ANGPT4: variants seen among roughly 807,000 people sequenced by gnomAD.
ANGPT4 encodes the protein angiopoietin 4.
A neutral mutation model predicts 53.0 loss-of-function variants in ANGPT4; 50 were observed. That is an observed-to-expected ratio of 0.94 (90% confidence interval 0.75 to 1.20). The LOEUF is 1.20. ANGPT4 is among the 50% of genes most tolerant of loss of function. The pLI is 0.00. For missense variants in ANGPT4, 648 were observed against 637.1 expected (o/e 1.02, Z -0.18); for synonymous variants, 251 against 259.7 (o/e 0.97, Z 0.32).
chr20:914,712 T>G lies in ANGPT4; in HGVS notation c.309+1194A>C, dbSNP rs1281584439. On this transcript the variant is annotated intron_variant, in intron 1 of 8. Coordinates refer to ENST00000381922, the MANE Select transcript of ANGPT4 (RefSeq NM_015985.4). The surrounding 1 kb of genome is among the most constrained non-coding windows in gnomAD (Gnocchi z 5.0). ...GTCTCCTGGGTCCCTCTCCCTTTCC[T>G]TGGTAGCTCTCACTTAGGGACTCTG... Among the ~76,000 whole-genome samples, 13 of 152,116 alleles carry G rather than the reference T, an allele frequency of 8.5e-5. 1 individual carries two copies. The highest frequency in any genetic ancestry group is 1.5e-5 in the Non-Finnish European group (1 of 68,004).
chr20:898,157 G>A (rs1006963160), intron 1 of ANGPT4, among the ~76,000 whole-genome samples: 12 of 151,478 alleles, frequency 7.9e-5, no homozygotes, highest in South Asian at 2.1e-4. Context: ...TCTTTTCTAC[G>A]GACTCATCTG....
At chr20:904,502 A>AC (rs5839887) in intron 1 of ANGPT4, among the ~76,000 whole-genome samples, 56,758 of 152,160 alleles carry the variant, frequency 0.37, 12,885 homozygotes, top group African/African-American at 0.64. Context: ...CCAGGCTTTA[A>AC]CATCAAAAAC....
chr20:906,704 A>G (rs1982490762), intron 1 of ANGPT4, among the ~76,000 whole-genome samples: 1 of 152,182 alleles, frequency 6.6e-6, no homozygotes, highest in African/African-American at 2.4e-5. Context: ...GGCCTGCACC[A>G]GGCCCTCACC....
At chr20:905,951 C>G (rs976099318) in intron 1 of ANGPT4, among the ~76,000 whole-genome samples, 2 of 152,164 alleles carry the variant, frequency 1.3e-5, no homozygotes, top group South Asian at 4.1e-4. Flanking sequence ...AGCATCTTGC[C>G]TAAGTGGCAA....
At position 908,070 on chromosome 20, in the gene ANGPT4, C is replaced by G. The variant is rs1982547810; in HGVS notation, c.309+7836G>C. Among the ~76,000 whole-genome samples, 2 of 152,146 alleles carry G rather than the reference C, an allele frequency of 1.3e-5. No homozygotes were observed. The highest frequency in any genetic ancestry group is 4.8e-5 in the African/African-American group (2 of 41,440). On this transcript the variant is annotated intron_variant, in intron 1 of 8. Coordinates refer to ENST00000381922, the MANE Select transcript of ANGPT4 (RefSeq NM_015985.4). This position sits in a 1 kb window ranked among gnomAD's most constrained non-coding sequence, Gnocchi z 4.9. ...TGTCTTGCCTTCTTGGTGGCTGAGG[C>G]TGATCCTGCAGATGGGGTGACAGGG...
intron 1 of ANGPT4, among the ~76,000 whole-genome samples, chr20:900,389 G>A (rs1184967437): frequency 6.6e-6 from 1 of 152,012 alleles, no homozygotes; most frequent in African/African-American, 2.4e-5. Context: ...TAGGAGTCTG[G>A]GTACAAGAAA....
At chr20:878,372 G>C (rs200902475) in intron 6 of ANGPT4, 45 bp from the exon 7 acceptor site, 2 of 1,557,210 alleles carry the variant, frequency 1.3e-6, no homozygotes, top group African/African-American at 2.7e-5. Context: ...TGAGGAGGAG[G>C]CCATGTCCCT....
At chr20:883,831 G>C (rs1316552874) in intron 4 of ANGPT4, among the ~76,000 whole-genome samples, 1 of 152,214 alleles carries the variant, frequency 6.6e-6, no homozygotes, top group Non-Finnish European at 1.5e-5. Flanking sequence ...GCAGCTCAAG[G>C]CCAGGTCTGT....
chr20:915,878 C>T (rs1283411629), intron 1 of ANGPT4, 28 bp downstream of exon 1: 1 of 1,535,356 alleles, frequency 6.5e-7, no homozygotes, highest in South Asian at 1.3e-5. Flanking sequence ...CCGCCCTCTG[C>T]CCCCTGCAAA....
chr20:890,164 G>A (rs1316962532), intron 2 of ANGPT4, 49 bp downstream of exon 2: 2 of 1,589,938 alleles, frequency 1.3e-6, no homozygotes, highest in East Asian at 2.2e-5. Context: ...CTACGAACCA[G>A]CCTGGCCAGC....
rs901535821 is a variant in ANGPT4 at position 887,512 on chromosome 20, T to C, written c.587+806A>G. On this transcript the variant is annotated intron_variant, in intron 3 of 8. Transcript: ENST00000381922. The stretch of plus-strand genomic sequence containing the variant: ...ATTCACAGGCCTGTGGCTTGTTCAG[T>C]GGGTAGATTTTGCCTTCTCCAGAAC... Among the ~76,000 whole-genome samples, 5 of 152,130 alleles carry C rather than the reference T, an allele frequency of 3.3e-5. No individual in the cohort carries two copies. The South Asian group carries it at 1.0e-3, about 32-fold the overall frequency.
In ANGPT4 at chr20:885,329, C is replaced by A. The variant is rs1419182078; in HGVS notation, c.588-4G>T. On this transcript the variant is annotated splice_region_variant and splice_polypyrimidine_tract_variant and intron_variant, in intron 3 of 8. Transcript: ENST00000381922. ...CTGCAACCGCTTCTCGAGCGCGCTG[C>A]GGGGTAGGGGGCGCACAGAGGTGAG... is the stretch of plus-strand genomic sequence containing the variant. 1.3e-6 allele frequency: 2 copies of A among 1,575,564 alleles called. No individual in the cohort carries two copies. The highest frequency in any genetic ancestry group is 8.6e-7 in the Non-Finnish European group (1 of 1,166,548).
At chr20:892,821 C>T (rs1981900568) in intron 1 of ANGPT4, among the ~76,000 whole-genome samples, 1 of 152,160 alleles carries the variant, frequency 6.6e-6, no homozygotes, top group Non-Finnish European at 1.5e-5. Context: ...CGAGCACCAC[C>T]ACGCGCAGTT....
chr20:900,280 G>A (rs974400490), intron 1 of ANGPT4, among the ~76,000 whole-genome samples: 3 of 152,122 alleles, frequency 2.0e-5, no homozygotes, highest in Admixed American at 6.5e-5. Flanking sequence ...GATACTCGAC[G>A]TTTTTTCATG....
At chr20:913,619 C>T (rs1450496740) in intron 1 of ANGPT4, among the ~76,000 whole-genome samples, 3 of 152,230 alleles carry the variant, frequency 2.0e-5, no homozygotes, top group Non-Finnish European at 4.4e-5. Flanking sequence ...GCCATCAGCT[C>T]TCAGCCAATG....
chr20:906,276 G>C (rs1344907304), intron 1 of ANGPT4, among the ~76,000 whole-genome samples: 1 of 152,128 alleles, frequency 6.6e-6, no homozygotes, highest in African/African-American at 2.4e-5. Flanking sequence ...AAGCCATCTG[G>C]AGGGGAACTG....
chr20:904,859 TGAGCTC>T (rs1479685272), intron 1 of ANGPT4, among the ~76,000 whole-genome samples: 3 of 152,170 alleles, frequency 2.0e-5, no homozygotes, highest in African/African-American at 4.8e-5. Context: ...CTCAAACTCC[TGAGCTC>T]GAGTGATCCT....
At chr20:892,025 G>C (rs1414859018) in intron 1 of ANGPT4, among the ~76,000 whole-genome samples, 2 of 152,100 alleles carry the variant, frequency 1.3e-5, no homozygotes, top group African/African-American at 4.8e-5. Context: ...TTGATGCAGA[G>C]TAGCAGCAGG....
intron 4 of ANGPT4, among the ~76,000 whole-genome samples, chr20:884,354 C>G (rs6118079): frequency 6.6e-6 from 1 of 152,192 alleles, no homozygotes; most frequent in Non-Finnish European, 1.5e-5. Context: ...AAACCAGGGA[C>G]TGGACATTTT....
Sources: allele counts gnomAD v4.1 joint callset (sites outside exome capture counted in the v4.1 genomes callset), GRCh38; gene constraint gnomAD v4.1.1; non-coding constraint Gnocchi (gnomAD v3.1); transcripts MANE v1.5; gene names NCBI Gene and HGNC (gene_info 2026-07-23, HGNC 2026-07-21).